The following ARHGDIB variants were observed in gnomAD, a reference collection of about 807,000 sequenced individuals.
ARHGDIB encodes rho GDP-dissociation inhibitor 2.
A neutral mutation model predicts 22.6 loss-of-function variants in ARHGDIB; 20 were observed. The ratio of observed to expected loss-of-function variants is 0.88; its 90% CI spans 0.62 to 1.28. The LOEUF (loss-of-function observed/expected upper bound fraction) is 1.28, where lower values mean the gene tolerates loss of function less well. Ranked by LOEUF, ARHGDIB falls within the 50% of genes most tolerant of loss-of-function variation. The pLI is 0.00. For synonymous variants in ARHGDIB, 114 were observed against 96.1 expected (o/e 1.19, Z -1.09); for missense variants, 254 against 245.4 (o/e 1.04, Z -0.23).
intron 1 of ARHGDIB, among the ~76,000 whole-genome samples, chr12:14,952,630 T>C (rs1004834645): frequency 2.0e-5 from 3 of 152,172 alleles, no homozygotes; most frequent in African/African-American, 7.2e-5. Context: ...TGTGGGAAAT[T>C]TAATGACATT....
intron 1 of ARHGDIB, 59 bp from the exon 2 acceptor site, chr12:14,950,783 G>T (rs1864156026): frequency 1.4e-6 from 2 of 1,446,238 alleles, no homozygotes; most frequent in Non-Finnish European, 1.8e-6. Flanking sequence ...AGATGTTAGT[G>T]GGGCTGCTGT....
Position 14,942,271 on chromosome 12 carries a change from G to A in ARHGDIB, c.*251C>T. ...AGACAGGGAAATATTAAATGATTGT[G>A]TACTGAGATGGAGACGTGGAAGATC... On this transcript the variant is annotated 3_prime_UTR_variant, in exon 6 of 6. Transcript: ENST00000228945. 1 of 521,088 alleles carries A rather than the reference G, an allele frequency of 1.9e-6. No individual in the cohort carries two copies. The highest frequency in any genetic ancestry group is 2.2e-5 in the South Asian group (1 of 45,006). 32.3% of individuals were successfully genotyped at this position (521,088 alleles called of 1,614,324 possible).
chr12:14,960,000 T>G (rs1861697), intron 1 of ARHGDIB, among the ~76,000 whole-genome samples: 3,308 of 152,330 alleles, frequency 0.022, 116 homozygotes, highest in African/African-American at 0.071. Context: ...TCACGATGCC[T>G]GCTAGGGACT....
At chr12:14,944,906 C>G in intron 4 of ARHGDIB, 67 bp from the exon 5 acceptor site, 1 of 1,364,462 alleles carries the variant, frequency 7.3e-7, no homozygotes, top group Middle Eastern at 1.8e-4. Context: ...ATCTTTCATG[C>G]TGATCCTGCC....
At chr12:14,954,521 C>T (rs1479391120) in intron 1 of ARHGDIB, among the ~76,000 whole-genome samples, 1 of 152,160 alleles carries the variant, frequency 6.6e-6, no homozygotes, top group Non-Finnish European at 1.5e-5. Flanking sequence ...TTGAACTAGG[C>T]CTTGTTATGC....
At chr12:14,952,808 C>A (rs1864210405) in intron 1 of ARHGDIB, among the ~76,000 whole-genome samples, 3 of 152,208 alleles carry the variant, frequency 2.0e-5, no homozygotes, top group Non-Finnish European at 4.4e-5. Flanking sequence ...CATGGTCAGG[C>A]CTTTCTGAAC....
intron 3 of ARHGDIB, among the ~76,000 whole-genome samples, chr12:14,949,064 T>C (rs1864101371): frequency 6.6e-6 from 1 of 152,154 alleles, no homozygotes; most frequent in Non-Finnish European, 1.5e-5. Flanking sequence ...TTTGTCTGTC[T>C]CACAAGAGTC....
chr12:14,945,749 G>A (rs1863998982), intron 4 of ARHGDIB, among the ~76,000 whole-genome samples: 1 of 152,202 alleles, frequency 6.6e-6, no homozygotes. Context: ...GCTATCTTTT[G>A]TTTTGTTGGC....
At chr12:14,954,763 T>G (rs1864263854) in intron 1 of ARHGDIB, among the ~76,000 whole-genome samples, 1 of 152,200 alleles carries the variant, frequency 6.6e-6, no homozygotes, top group Admixed American at 6.5e-5. Flanking sequence ...TGAGAGAATA[T>G]CTGTCTGTGT....
In ARHGDIB at chr12:14,942,671, ACTC is replaced by A. The variant is rs1863895887; in HGVS notation, c.454_456del (p.Glu152del). 1 of 1,613,792 alleles carries A rather than the reference ACTC, an allele frequency of 6.2e-7. No homozygotes were observed. The highest frequency in any genetic ancestry group is 8.5e-7 in the Non-Finnish European group (1 of 1,179,978). ...TCCTCAACTGGAGTGAGGAACTCAT[ACTC>A]CTCAGGCCGAGGTCCATAGCTGCCA... On this transcript the variant is annotated inframe_deletion, in exon 6 of 6. Transcript: ENST00000228945.
intron 2 of ARHGDIB, among the ~76,000 whole-genome samples, chr12:14,950,240 G>A (rs886523402): frequency 6.6e-6 from 1 of 152,186 alleles, no homozygotes; most frequent in African/African-American, 2.4e-5. Context: ...TAAGGACTGA[G>A]AAAGAGAGAA....
chr12:14,948,019 T>C lies in ARHGDIB; in HGVS notation c.266-70A>G, dbSNP rs949532973. 14 of 1,379,968 alleles carry C rather than the reference T, an allele frequency of 1.0e-5. No individual in the cohort carries two copies. The Middle Eastern group carries it at 5.4e-4, about 53-fold the overall frequency. 85.5% of individuals were successfully genotyped at this position (1,379,968 alleles called of 1,614,324 possible). A position where few individuals can be genotyped will look rare whatever the true frequency, so the allele number is the denominator to read the frequency against. On this transcript the variant is annotated intron_variant, in intron 3 of 5. Transcript: ENST00000228945. ...CACAAGTTAATAAATGACTTTTAAGTCCCGGAAAAATTTGTTGGGCCCACG... is the reference window on the plus strand; with the variant it reads ...CACAAGTTAATAAATGACTTTTAAGCCCCGGAAAAATTTGTTGGGCCCACG...
rs897181944 is a variant in ARHGDIB, at chr12:14,947,811, T to C, written c.342+62A>G. The C allele has an allele frequency of 9.7e-6, 13 of 1,334,612 alleles. No homozygotes were observed. The African/African-American group carries it at 1.4e-4, about 15-fold the overall frequency. The allele number at this position is 1,334,612 out of a possible 1,614,324, so 82.7% of individuals were successfully genotyped here. On this transcript the variant is annotated intron_variant, in intron 4 of 5. Coordinates refer to ENST00000228945, the MANE Select transcript of ARHGDIB (RefSeq NM_001175.7). ...TACCTCAACATGATCATGCAAGAAA[T>C]GTAGTCACTGATTAAAGAAAAGATT...
intron 2 of ARHGDIB, 51 bp from the exon 3 acceptor site, chr12:14,949,936 G>A (rs1464988899): frequency 6.8e-7 from 1 of 1,480,892 alleles, no homozygotes; most frequent in East Asian, 2.3e-5. Context: ...TGTGTATAGT[G>A]GGTGTGTGCA....
chr12:14,942,422 G>T lies in ARHGDIB; in HGVS notation c.*100C>A. ...ATCAATAAGGAAATGTGGCAGTGTT[G>T]AAGAGGGACCCAGCTGTGGACAGGG... is the stretch of plus-strand genomic sequence containing the variant. On this transcript the variant is annotated 3_prime_UTR_variant, in exon 6 of 6. Coordinates refer to ENST00000228945, the MANE Select transcript of ARHGDIB (RefSeq NM_001175.7). 7.7e-7 allele frequency: 1 copy of T among 1,305,424 alleles called. No homozygotes were observed. The allele number at this position is 1,305,424 out of a possible 1,614,324, so 80.9% of individuals were successfully genotyped here.
rs1003476823 is a variant in ARHGDIB at position 14,942,736 on chromosome 12, G to A, written c.407-15C>T. The A allele has an allele frequency of 2.5e-6, 4 of 1,611,914 alleles. No homozygotes were observed. Among genetic ancestry groups the A allele is most frequent in the Admixed American group, 1.7e-5 (1 of 60,004 alleles). ...TGCTTTATCCACTAAGAAGAAAGAAGAGTTCATTAGGGTAAGAGCCTGATA... is the reference window on the plus strand; with the variant it reads ...TGCTTTATCCACTAAGAAGAAAGAAAAGTTCATTAGGGTAAGAGCCTGATA... On this transcript the variant is annotated splice_polypyrimidine_tract_variant and intron_variant, in intron 5 of 5. Coordinates refer to ENST00000228945, the MANE Select transcript of ARHGDIB (RefSeq NM_001175.7).
At chr12:14,956,242 G>A (rs1864298143) in intron 1 of ARHGDIB, 1 of 152,190 alleles carries the variant, frequency 6.6e-6, no homozygotes, top group South Asian at 2.1e-4. Context: ...TAACAAAGCA[G>A]GGAAGTGTCA....
chr12:14,944,014 T>C (rs947169660), intron 5 of ARHGDIB, among the ~76,000 whole-genome samples: 5 of 152,014 alleles, frequency 3.3e-5, no homozygotes, highest in Non-Finnish European at 5.9e-5. Context: ...CTCTATGTCA[T>C]CCAGATTTAT....
rs551029460 is a variant in ARHGDIB at position 14,960,689 on chromosome 12, G to C, written c.-13+848C>G. Among the ~76,000 whole-genome samples, 8 of 152,278 alleles carry C rather than the reference G, an allele frequency of 5.3e-5. 1 individual carries two copies. The South Asian group carries it at 1.7e-3, about 32-fold the overall frequency. On this transcript the variant is annotated intron_variant, in intron 1 of 5. Coordinates refer to ENST00000228945, the MANE Select transcript of ARHGDIB (RefSeq NM_001175.7). ...CAGCTAATTTTGTATTTTCAGTAGA[G>C]ATGGGGTTTCACCATGTTGGTCAAG...
Sources: allele counts gnomAD v4.1 joint callset (sites outside exome capture counted in the v4.1 genomes callset), GRCh38; gene constraint gnomAD v4.1.1; transcripts MANE v1.5; gene names NCBI Gene and HGNC (gene_info 2026-07-23, HGNC 2026-07-21).